Variants in TSPAN18 observed in about 807,000 individuals in gnomAD.
TSPAN18 encodes the protein tetraspanin-18.
TSPAN18 carries 14 observed loss-of-function variants against 27.3 expected under a neutral mutation model. The ratio of observed to expected loss-of-function variants is 0.51; its 90% CI spans 0.34 to 0.80. TSPAN18 has a LOEUF of 0.80. Among genes scored for constraint, TSPAN18 ranks in the 30% least tolerant of loss-of-function variants. The probability of loss-of-function intolerance (pLI) is 0.01; values close to 1 mark genes in which losing one functional copy is unlikely to be tolerated. For synonymous variants in TSPAN18, 143 were observed against 136.5 expected (o/e 1.05, Z -0.33); for missense variants, 268 against 323.9 (o/e 0.83, Z 1.32).
rs1046665098 is a variant in TSPAN18, at chr11:44,807,192, TAAAAAAAAAAAAAAAAAAAAA to T, written c.-153+42704_-153+42724del. Among the ~76,000 whole-genome samples, 275 of 67,324 alleles carry T rather than the reference TAAAAAAAAAAAAAAAAAAAAA, an allele frequency of 4.1e-3. 2 individuals are homozygous for T. The highest frequency in any genetic ancestry group is 0.021 in the African/African-American group (258 of 12,246). The allele number at this position is 67,324 out of a possible 152,430, so 44.2% of individuals were successfully genotyped here. A position where few individuals can be genotyped will look rare whatever the true frequency, so the allele number is the denominator to read the frequency against. On this transcript the variant is annotated intron_variant, in intron 2 of 9. Transcript: ENST00000520358. ...GGCTAAGTAGCAAGACCCTGTCTCT[TAAAAAAAAAAAAAAAAAAAAA>T]AAAAAAAAAAAAAAAAAAAAAAAGA... is the stretch of plus-strand genomic sequence containing the variant.
intron 2 of TSPAN18, among the ~76,000 whole-genome samples, chr11:44,855,574 C>T (rs939039274): frequency 6.6e-6 from 1 of 152,112 alleles, no homozygotes; most frequent in African/African-American, 2.4e-5. Context: ...GGTTAAATGA[C>T]TTGCCTGAGG....
intron 2 of TSPAN18, among the ~76,000 whole-genome samples, chr11:44,796,281 G>A (rs989524976): frequency 1.3e-5 from 2 of 152,182 alleles, no homozygotes; most frequent in Non-Finnish European, 2.9e-5. Flanking sequence ...TGTATGTTTT[G>A]TGCAGTGGAG....
At chr11:44,733,291 T>C (rs1442243387) in intron 1 of TSPAN18, among the ~76,000 whole-genome samples, 1 of 152,228 alleles carries the variant, frequency 6.6e-6, no homozygotes, top group East Asian at 1.9e-4. Flanking sequence ...TGTTAACACA[T>C]AGAAGCTTCC....
At chr11:44,782,611 G>A (rs1356573088) in intron 2 of TSPAN18, among the ~76,000 whole-genome samples, 1 of 151,182 alleles carries the variant, frequency 6.6e-6, no homozygotes, top group East Asian at 1.9e-4. Context: ...TGCTTGTATT[G>A]TTTTTCACTC....
chr11:44,920,739 GCTTGAGTAGGA>G (rs796589555), intron 8 of TSPAN18, among the ~76,000 whole-genome samples: 5 of 152,258 alleles, frequency 3.3e-5, no homozygotes, highest in African/African-American at 1.2e-4. Flanking sequence ...CAGCCCCCTT[GCTTGAGTAGGA>G]CTTTAACGAG....
chr11:44,912,137 T>C (rs1441944713), intron 5 of TSPAN18, among the ~76,000 whole-genome samples: 1 of 151,834 alleles, frequency 6.6e-6, no homozygotes, highest in African/African-American at 2.4e-5. Context: ...TCCTCCCACC[T>C]CAGCCCCCCG....
rs138913407 is a variant in TSPAN18 at position 44,892,465 on chromosome 11, C to A, written c.-10-13942C>A. On this transcript the variant is annotated intron_variant, in intron 3 of 9. Transcript: ENST00000520358. ...TGACCTCCGTGCTTCTGTGCTCCCC[C>A]CAATTTCAAACTGCGTGGGTTTCCC... 3.7e-3 allele frequency among the ~76,000 whole-genome samples: 562 copies of A among 152,360 alleles called. 2 individuals carry two copies. Among genetic ancestry groups the A allele is most frequent in the African/African-American group, 0.013 (537 of 41,588 alleles).
chr11:44,861,407 T>TGGTGCTGAGGGAGGTGGTC (rs1172861232), intron 3 of TSPAN18, among the ~76,000 whole-genome samples: 2 of 123,096 alleles, frequency 1.6e-5, no homozygotes, highest in African/African-American at 6.2e-5. Context: ...GGGGTGCGGG[T>TGGTGCTGAGGGAGGTGGTC]GGTGCTGAGG....
chr11:44,735,765 C>T (rs1452050410), intron 1 of TSPAN18, among the ~76,000 whole-genome samples: 1 of 152,078 alleles, frequency 6.6e-6, no homozygotes, highest in Non-Finnish European at 1.5e-5. Context: ...TACAGGTGCC[C>T]ACCACCACGC....
chr11:44,743,966 ATT>A (rs1429625187), intron 1 of TSPAN18, among the ~76,000 whole-genome samples: 1 of 152,078 alleles, frequency 6.6e-6, no homozygotes, highest in African/African-American at 2.4e-5. Context: ...TATTTTAGTT[ATT>A]TTTGTTTTTT....
At chr11:44,875,326 A>G (rs1858300170) in intron 3 of TSPAN18, among the ~76,000 whole-genome samples, 1 of 152,236 alleles carries the variant, frequency 6.6e-6, no homozygotes, top group Non-Finnish European at 1.5e-5. Flanking sequence ...TGGGAAAGAT[A>G]AGCTTGGTTT....
intron 1 of TSPAN18, among the ~76,000 whole-genome samples, chr11:44,749,607 T>A (rs1197800397): frequency 1.3e-5 from 2 of 151,938 alleles, no homozygotes; most frequent in East Asian, 3.9e-4. Flanking sequence ...TCAACTTTAC[T>A]TGTAGCCACA....
At chr11:44,910,579 TCTAA>T (rs2135341666) in intron 5 of TSPAN18, among the ~76,000 whole-genome samples, 1 of 152,360 alleles carries the variant, frequency 6.6e-6, no homozygotes, top group African/African-American at 2.4e-5. Flanking sequence ...TATTAAAAAC[TCTAA>T]TATATAACTC....
intron 2 of TSPAN18, among the ~76,000 whole-genome samples, chr11:44,773,435 C>T (rs1855735436): frequency 1.3e-5 from 2 of 151,740 alleles, no homozygotes; most frequent in South Asian, 2.1e-4. Context: ...ACCCAAAAAA[C>T]AAAAAACAAA....
At position 44,931,381 on chromosome 11, in the gene TSPAN18, A is replaced by T. The variant is rs1051881214; in HGVS notation, c.*2203A>T. 1.2e-5 allele frequency: 2 copies of T among 170,158 alleles called. No homozygotes were observed. The highest frequency in any genetic ancestry group is 2.5e-5 in the Non-Finnish European group (2 of 79,096). 10.5% of individuals were successfully genotyped at this position (170,158 alleles called of 1,614,324 possible). ...GCTGGGCAGGACTGAGGCAAATTGC[A>T]CAGCTTTATGGCTCTAATCCAGGGG... On this transcript the variant is annotated 3_prime_UTR_variant, in exon 10 of 10. Transcript: ENST00000520358.
At chr11:44,737,608 C>T (rs1430704728) in intron 1 of TSPAN18, among the ~76,000 whole-genome samples, 1 of 152,182 alleles carries the variant, frequency 6.6e-6, no homozygotes, top group African/African-American at 2.4e-5. Flanking sequence ...TACAGAAGTT[C>T]AGCTTACACA....
intron 2 of TSPAN18, among the ~76,000 whole-genome samples, chr11:44,834,745 C>G (rs778383448): frequency 3.5e-4 from 54 of 152,154 alleles, no homozygotes; most frequent in Non-Finnish European, 5.7e-4. Flanking sequence ...ACAACACTCA[C>G]CTCAAAGCAC....
intron 1 of TSPAN18, among the ~76,000 whole-genome samples, chr11:44,741,430 A>G (rs1049190016): frequency 2.1e-5 from 3 of 142,098 alleles, no homozygotes; most frequent in South Asian, 2.4e-4. Context: ...GTCTATTCAA[A>G]CCTGTCTCAG....
chr11:44,840,343 A>G (rs1473018368), intron 2 of TSPAN18, among the ~76,000 whole-genome samples: 2 of 152,186 alleles, frequency 1.3e-5, no homozygotes, highest in Non-Finnish European at 2.9e-5. Flanking sequence ...AGTTGATATA[A>G]TAACTAGATG....
Sources: allele counts gnomAD v4.1 joint callset (sites outside exome capture counted in the v4.1 genomes callset), GRCh38; gene constraint gnomAD v4.1.1; transcripts MANE v1.5; gene names NCBI Gene and HGNC (gene_info 2026-07-23, HGNC 2026-07-21).